Variants in RASA3 observed in about 807,000 individuals in gnomAD.
The protein encoded by RASA3 is ras GTPase-activating protein 3.
A neutral mutation model predicts 110.0 loss-of-function variants in RASA3; 73 were observed. That is an observed-to-expected ratio of 0.66 (90% confidence interval 0.55 to 0.81). The LOEUF (loss-of-function observed/expected upper bound fraction) is 0.81, where lower values mean the gene tolerates loss of function less well. Ranked by LOEUF, RASA3 falls within the 30% of genes least tolerant of loss-of-function variation. The pLI is 0.00. For missense variants in RASA3, 976 were observed against 1,113.2 expected (o/e 0.88, Z 1.75); for synonymous variants, 500 against 451.4 (o/e 1.11, Z -1.37).
intron 1 of RASA3, among the ~76,000 whole-genome samples, chr13:114,130,708 A>T (rs2080505951): frequency 6.6e-6 from 1 of 152,182 alleles, no homozygotes; most frequent in Non-Finnish European, 1.5e-5. Context: ...CCCTTCCTGG[A>T]GTACACAGCG....
chr13:114,129,774 AAATGAGGTTAT>A (rs1231671461), intron 1 of RASA3, among the ~76,000 whole-genome samples: 1 of 152,248 alleles, frequency 6.6e-6, no homozygotes, highest in Non-Finnish European at 1.5e-5. Context: ...GCAAACGGAA[AAATGAGGTTAT>A]GAAGGGGAAG....
chr13:114,041,841 C>T (rs2054415577), intron 3 of RASA3, among the ~76,000 whole-genome samples: 1 of 152,168 alleles, frequency 6.6e-6, no homozygotes, highest in South Asian at 2.1e-4. Flanking sequence ...CCTTCTGGGA[C>T]CCCTGGAGAG....
intron 1 of RASA3, among the ~76,000 whole-genome samples, chr13:114,118,542 TG>T (rs1318645097): frequency 2.6e-5 from 4 of 152,098 alleles, no homozygotes; most frequent in East Asian, 1.9e-4. Flanking sequence ...TAAGAATGCA[TG>T]GCACATTTTT....
chr13:114,061,455 G>T (rs901152722), intron 2 of RASA3, among the ~76,000 whole-genome samples: 2 of 151,894 alleles, frequency 1.3e-5, no homozygotes, highest in Non-Finnish European at 2.9e-5. Flanking sequence ...TGGATCATGA[G>T]GTCAAGAGAT....
chr13:114,061,663 C>G (rs2079351471), intron 2 of RASA3, among the ~76,000 whole-genome samples: 1 of 127,012 alleles, frequency 7.9e-6, no homozygotes, highest in Non-Finnish European at 1.6e-5. Context: ...GGCGACAAAG[C>G]AAGACTCTGT....
rs746899464 is a variant in RASA3 at position 114,057,676 on chromosome 13, C to A, written c.174-5521G>T. Among the ~76,000 whole-genome samples, 1 of 152,204 alleles carries A rather than the reference C, an allele frequency of 6.6e-6. No individual in the cohort carries two copies. Among genetic ancestry groups the A allele is most frequent in the Non-Finnish European group, 1.5e-5 (1 of 68,026 alleles). On this transcript the variant is annotated intron_variant, in intron 2 of 23. Coordinates refer to ENST00000334062, the MANE Select transcript of RASA3 (RefSeq NM_007368.4). The surrounding 1 kb of genome is among the most constrained non-coding windows in gnomAD (Gnocchi z 5.0). ...AAGAAACTCCTGGAAGAATGTAAAACCCCCAGCTCAAGGAGGAGAGTGGAG... is the reference window on the plus strand; with the variant it reads ...AAGAAACTCCTGGAAGAATGTAAAAACCCCAGCTCAAGGAGGAGAGTGGAG...
chr13:114,001,159 GT>G (rs1315476551), intron 18 of RASA3, among the ~76,000 whole-genome samples: 1 of 152,238 alleles, frequency 6.6e-6, no homozygotes, highest in Admixed American at 6.5e-5. Context: ...ATGGCACCAG[GT>G]TTTAGGAGAT....
chr13:114,108,269 CCG>C lies in RASA3; in HGVS notation c.55+24164_55+24165del, dbSNP rs2080164465. Among the ~76,000 whole-genome samples, 28 of 33,008 alleles carry C rather than the reference CCG, an allele frequency of 8.5e-4. No homozygotes were observed. The South Asian group carries it at 0.031, about 37-fold the overall frequency. 21.7% of individuals were successfully genotyped at this position (33,008 alleles called of 152,430 possible). On this transcript the variant is annotated intron_variant, in intron 1 of 23. Coordinates refer to ENST00000334062, the MANE Select transcript of RASA3 (RefSeq NM_007368.4). ...TGTCTGTCACCCTGCATCCGTCACC[CCG>C]TGTCTGTCATCCCCGTCCGTCACCC...
chr13:114,033,624 G>A (rs1460052037), intron 4 of RASA3, among the ~76,000 whole-genome samples: 1 of 122,238 alleles, frequency 8.2e-6, no homozygotes, highest in Admixed American at 8.2e-5. Flanking sequence ...CACGCCCCAC[G>A]GAACCCCCAC....
At chr13:114,043,214 C>T (rs2054453174) in intron 3 of RASA3, among the ~76,000 whole-genome samples, 1 of 152,198 alleles carries the variant, frequency 6.6e-6, no homozygotes, top group Non-Finnish European at 1.5e-5. Flanking sequence ...CATGATGGAG[C>T]ACCACATGGC....
At position 114,015,229 on chromosome 13, in the gene RASA3, G is replaced by A. The variant is rs753803955; in HGVS notation, c.1385C>T (p.Ala462Val). 6.8e-6 allele frequency: 11 copies of A among 1,612,920 alleles called. No individual in the cohort carries two copies. The Admixed American group carries it at 1.2e-4, about 17-fold the overall frequency. The change falls in exon 14 of 24, where the codon GCG (alanine) becomes GTG (valine). Residue 462 changes from alanine to valine, a missense_variant. Physicochemically the swap from Ala to Val is moderately conservative, Grantham distance 64. Transcript: ENST00000334062. ...CTCACCCTGGAAGCGCTTGGCCGCC[G>A]CCTCCCGGAGGGAGAAGAAGATGTC... ...MCDIFFSLREAAAKRFQDDPD... is the reference protein window; with the variant it reads ...MCDIFFSLREVAAKRFQDDPD...
At chr13:114,051,625 GCCCCCA>G (rs2079147885) in intron 3 of RASA3, among the ~76,000 whole-genome samples, 1 of 151,964 alleles carries the variant, frequency 6.6e-6, no homozygotes, top group Non-Finnish European at 1.5e-5. Context: ...GAGGCAACAT[GCCCCCA>G]CCCCCACCCG....
intron 3 of RASA3, among the ~76,000 whole-genome samples, chr13:114,042,172 G>A (rs1566517652): frequency 6.6e-6 from 1 of 152,152 alleles, no homozygotes; most frequent in Non-Finnish European, 1.5e-5. Context: ...CGCGGCAAAC[G>A]TGTGCCCATC....
intron 1 of RASA3, among the ~76,000 whole-genome samples, chr13:114,100,238 T>G (rs999862788): frequency 6.6e-6 from 1 of 151,788 alleles, no homozygotes; most frequent in Admixed American, 6.5e-5. Flanking sequence ...GGCGCGCCGA[T>G]GTGGATGCCT....
At chr13:114,027,303 A>T (rs1443904628) in intron 7 of RASA3, 86 bp downstream of exon 7, 2 of 1,163,098 alleles carry the variant, frequency 1.7e-6, no homozygotes, top group Non-Finnish European at 2.5e-6. Flanking sequence ...GAGGGAAGAG[A>T]CTGAGATCAT....
At chr13:114,071,481 C>T (rs2079571755) in intron 2 of RASA3, among the ~76,000 whole-genome samples, 1 of 152,216 alleles carries the variant, frequency 6.6e-6, no homozygotes, top group African/African-American at 2.4e-5. Flanking sequence ...CCTCTAACAA[C>T]AGACCATTTA....
chr13:114,112,573 G>C lies in RASA3; in HGVS notation c.55+19862C>G, dbSNP rs1317405175. Reference sequence around the variant, plus strand: ...CTCGAGCACTTCACACGCGTGCCCGGGGATGCTGGTGCTGCAGGTATGGGG... The same window carrying C: ...CTCGAGCACTTCACACGCGTGCCCGCGGATGCTGGTGCTGCAGGTATGGGG... On this transcript the variant is annotated intron_variant, in intron 1 of 23. Transcript: ENST00000334062. This position sits in a 1 kb window ranked among gnomAD's most constrained non-coding sequence, Gnocchi z 4.8. 6.6e-6 allele frequency among the ~76,000 whole-genome samples: 1 copy of C among 152,128 alleles called. No homozygotes were observed. The highest frequency in any genetic ancestry group is 1.5e-5 in the Non-Finnish European group (1 of 68,014).
intron 1 of RASA3, among the ~76,000 whole-genome samples, chr13:114,128,861 G>A (rs954777102): frequency 4.6e-5 from 7 of 152,168 alleles, no homozygotes; most frequent in South Asian, 2.1e-4. Context: ...GACGCTGACC[G>A]CCTCCAGCTC....
At chr13:114,088,628 G>A (rs979904739) in intron 1 of RASA3, among the ~76,000 whole-genome samples, 2 of 150,594 alleles carry the variant, frequency 1.3e-5, no homozygotes, top group South Asian at 2.1e-4. Flanking sequence ...CTTGGCTCAC[G>A]GCAACCTCCG....
Sources: gnomAD v4.1 joint callset for allele counts (sites outside exome capture counted in the v4.1 genomes callset) on GRCh38, gnomAD v4.1.1 for gene constraint, Gnocchi (gnomAD v3.1) non-coding constraint, MANE v1.5 for transcripts, NCBI Gene and HGNC (gene_info 2026-07-23, HGNC 2026-07-21) for gene names.